Variants in HAAO observed in about 807,000 individuals in gnomAD.
The protein encoded by HAAO is 3-hydroxyanthranilate 3,4-dioxygenase, also known as 3-hydroxyanthranilate oxygenase.
In HAAO, 49 loss-of-function variants were observed where a neutral mutation model predicts 46.2. That is an observed-to-expected ratio of 1.06 (90% CI 0.84 to 1.34). HAAO has a LOEUF of 1.34. Among genes scored for constraint, HAAO ranks in the 40% most tolerant of loss-of-function variants. The pLI is 0.00. For missense variants in HAAO, 408 were observed against 364.5 expected, an observed-to-expected ratio of 1.12 and a Z score of -0.97; for synonymous variants, 157 against 145.2, an observed-to-expected ratio of 1.08 and a Z score of -0.58.
chr2:42,772,914 A>T lies in HAAO; in HGVS notation c.351-2332T>A, dbSNP rs538553419. Among the ~76,000 whole-genome samples, 29 of 149,038 alleles carry T rather than the reference A, an allele frequency of 1.9e-4. No homozygotes were observed. The Middle Eastern group carries it at 0.01, about 53-fold the overall frequency. The stretch of plus-strand genomic sequence containing the variant: ...CACTGCATTCCAGCGTGGGTGATAG[A>T]TAGAGTGAGCCCCCATATCAAAAAA... On this transcript the variant is annotated intron_variant, in intron 4 of 9. Transcript: ENST00000294973.
intron 2 of HAAO, among the ~76,000 whole-genome samples, chr2:42,785,332 A>G (rs1672308253): frequency 6.6e-6 from 1 of 152,236 alleles, no homozygotes; most frequent in Admixed American, 6.5e-5. Flanking sequence ...AACATTATGC[A>G]GCCATTAAAA....
Position 42,767,666 on chromosome 2 carries a change from C to T in HAAO, c.711G>A (p.Ser237=), listed in dbSNP as rs769149612. The change falls in exon 9 of 10, where the codon TCG becomes TCA. Residue 237 remains serine, a synonymous_variant. Coordinates refer to ENST00000294973, the MANE Select transcript of HAAO (RefSeq NM_012205.3). ...DVWLWQLEGS[S]VVTMGGRRLS... is the part of the protein sequence containing the mutation. Reference sequence around the variant, plus strand: ...GGCGCCGTCCCCCCATTGTCACCACCGAGGAGCCCTCCTGGAGAAGAGGAG... The same window carrying T: ...GGCGCCGTCCCCCCATTGTCACCACTGAGGAGCCCTCCTGGAGAAGAGGAG... The T allele has an allele frequency of 8.4e-5, 131 of 1,567,308 alleles. No homozygotes were observed. Among genetic ancestry groups the T allele is most frequent in the Non-Finnish European group, 1.0e-4 (121 of 1,155,274 alleles).
At chr2:42,769,568 A>AATGT in intron 7 of HAAO, 145 bp downstream of exon 7, 1 of 646,324 alleles carries the variant, frequency 1.5e-6, no homozygotes, top group Non-Finnish European at 2.4e-6. Context: ...CAACCTCTGA[A>AATGT]ATGTGTGTGT....
chr2:42,784,529 G>A (rs1190562592), intron 2 of HAAO, among the ~76,000 whole-genome samples: 4 of 68,476 alleles, frequency 5.8e-5, no homozygotes, highest in Non-Finnish European at 9.7e-5. Context: ...GGGGGGAGGT[G>A]GGGGGGGCGG....
At chr2:42,786,007 C>T (rs1280805683) in intron 2 of HAAO, among the ~76,000 whole-genome samples, 3 of 118,728 alleles carry the variant, frequency 2.5e-5, no homozygotes, top group African/African-American at 1.0e-4. Context: ...GGGAGGAAGC[C>T]TCTGTGTGTG....
intron 4 of HAAO, 49 bp downstream of exon 4, chr2:42,783,265 C>G: frequency 9.0e-7 from 1 of 1,105,316 alleles, no homozygotes; most frequent in South Asian, 1.3e-5. Flanking sequence ...GAGCTGTGCT[C>G]CTCTGCTGTT....
intron 4 of HAAO, among the ~76,000 whole-genome samples, chr2:42,774,650 G>T (rs1248557774): frequency 2.0e-5 from 3 of 152,080 alleles, no homozygotes; most frequent in African/African-American, 7.2e-5. Context: ...TTGAGCCTGA[G>T]ACCCATCCCT....
intron 4 of HAAO, among the ~76,000 whole-genome samples, chr2:42,776,397 C>T (rs918932449): frequency 6.6e-6 from 1 of 151,984 alleles, no homozygotes; most frequent in Non-Finnish European, 1.5e-5. Context: ...TGCCACCACA[C>T]CTGGCTAATT....
chr2:42,773,580 CCT>C (rs1303141347), intron 4 of HAAO, among the ~76,000 whole-genome samples: 1 of 150,548 alleles, frequency 6.6e-6, no homozygotes, highest in Non-Finnish European at 1.5e-5. Flanking sequence ...AAACCTACCC[CCT>C]ATTTTTTTTT....
intron 4 of HAAO, among the ~76,000 whole-genome samples, chr2:42,771,463 A>C (rs1181956553): frequency 6.8e-6 from 1 of 147,098 alleles, no homozygotes; most frequent in Non-Finnish European, 1.5e-5. Flanking sequence ...AAAAAAAAAG[A>C]AGCCAACACG....
intron 1 of HAAO, 25 bp from the exon 2 acceptor site, chr2:42,788,632 C>T (rs770648736): frequency 1.5e-5 from 20 of 1,334,106 alleles, no homozygotes; most frequent in East Asian, 6.9e-5. Context: ...GTGGGGGAGA[C>T]GTTCTAAACC....
intron 4 of HAAO, among the ~76,000 whole-genome samples, chr2:42,771,879 G>A (rs945041557): frequency 2.6e-5 from 4 of 152,262 alleles, no homozygotes; most frequent in Non-Finnish European, 5.9e-5. Flanking sequence ...CCTATCCTGG[G>A]ATGGAGCTGG....
intron 1 of HAAO, among the ~76,000 whole-genome samples, chr2:42,791,429 T>C (rs949804588): frequency 6.6e-5 from 10 of 152,028 alleles, no homozygotes; most frequent in Non-Finnish European, 1.3e-4. Context: ...CATCTTTAAT[T>C]GGGGGTGGGC....
chr2:42,771,984 C>G (rs1026758021), intron 4 of HAAO, among the ~76,000 whole-genome samples: 2 of 152,148 alleles, frequency 1.3e-5, no homozygotes, highest in African/African-American at 4.8e-5. Context: ...TATTAAAGGT[C>G]AAAAGCAGCC....
At chr2:42,773,140 A>C (rs1202582344) in intron 4 of HAAO, among the ~76,000 whole-genome samples, 1 of 152,210 alleles carries the variant, frequency 6.6e-6, no homozygotes, top group Non-Finnish European at 1.5e-5. Context: ...ACTCCTCTCT[A>C]TACTGTCCTG....
At chr2:42,770,088 T>A (rs1372996210) in intron 6 of HAAO, 55 bp downstream of exon 6, 1 of 1,527,412 alleles carries the variant, frequency 6.5e-7, no homozygotes, top group Non-Finnish European at 9.0e-7. Flanking sequence ...CCAAAACCCA[T>A]CCTATTTTGG....
At chr2:42,783,265 C>T in intron 4 of HAAO, 49 bp downstream of exon 4, 1 of 1,105,316 alleles carries the variant, frequency 9.0e-7, no homozygotes, top group Non-Finnish European at 1.4e-6. Context: ...GAGCTGTGCT[C>T]CTCTGCTGTT....
rs377653350 is a variant in HAAO, at chr2:42,790,532, G to GTT, written c.80+1923_80+1924dup. On this transcript the variant is annotated intron_variant, in intron 1 of 9. Transcript: ENST00000294973. The stretch of plus-strand genomic sequence containing the variant: ...GGGTGCTGGGGAACCTGGAAAGTTT[G>GTT]TTTTTTTTTTTTTTTTTTCAGATAG... Among the ~76,000 whole-genome samples the GTT allele has an allele frequency of 2.3e-4, 34 of 146,882 alleles. No individual in the cohort carries two copies. The East Asian group carries it at 5.9e-3, about 26-fold the overall frequency.
intron 4 of HAAO, among the ~76,000 whole-genome samples, chr2:42,781,495 C>A (rs1671995419): frequency 6.6e-6 from 1 of 152,112 alleles, no homozygotes; most frequent in African/African-American, 2.4e-5. Flanking sequence ...CATGGCTAGG[C>A]TTGGCTTTAA....
Sources: allele counts gnomAD v4.1 joint callset (sites outside exome capture counted in the v4.1 genomes callset), GRCh38; gene constraint gnomAD v4.1.1; transcripts MANE v1.5; gene names NCBI Gene and HGNC (gene_info 2026-07-23, HGNC 2026-07-21).